NFRKB: variants seen among roughly 807,000 people sequenced by gnomAD.
The protein encoded by NFRKB is nuclear factor related to kappaB binding protein.
In NFRKB, 62 loss-of-function variants were observed where a neutral mutation model predicts 135.7. That is an observed-to-expected ratio of 0.46 (90% confidence interval 0.37 to 0.56). The LOEUF (loss-of-function observed/expected upper bound fraction) is 0.56. NFRKB is among the 20% of genes least tolerant of loss of function. The pLI, the probability that NFRKB is intolerant of heterozygous loss-of-function variation, is 0.00. For missense variants in NFRKB, 1,545 were observed against 1,662.0 expected (o/e 0.93, Z 1.22); for synonymous variants, 678 against 635.6 (o/e 1.07, Z -1.00).
rs1948659174 is a variant in NFRKB at position 129,874,254 on chromosome 11, G to A, written c.2138C>T (p.Ser713Phe). The A allele has an allele frequency of 1.3e-6, 2 of 1,517,852 alleles. No individual in the cohort carries two copies. Among genetic ancestry groups the A allele is most frequent in the African/African-American group, 2.8e-5 (2 of 71,620 alleles). 94.0% of individuals were successfully genotyped at this position (1,517,852 alleles called of 1,614,324 possible). Residue 713 changes from serine to phenylalanine, a missense_variant, in exon 21 of 27, where the codon TCC becomes TTC. By Grantham distance (155) the Ser-to-Phe change is radical (BLOSUM62 -2). Coordinates refer to ENST00000682444, the MANE Select transcript of NFRKB (RefSeq NM_001143835.2). The surrounding 1 kb of genome is among the most constrained non-coding windows in gnomAD (Gnocchi z 4.5). ...TGTGACTGGGGTGGGTGGCATACTG[G>A]AGTCACTGAGGCTCATCTGGCTCTG... ...SEQSQMSLSD[S>F]SMPPTPVTPV...
Position 129,892,778 on chromosome 11 carries a change from G to A in NFRKB, c.72C>T (p.Arg24=), listed in dbSNP as rs139240998. Reference sequence around the variant, plus strand: ...CTCCCAGGAGGCAATCCTCCATGATGCGCGTGCCATGGCCATCTCCACACG... The same window carrying A: ...CTCCCAGGAGGCAATCCTCCATGATACGCGTGCCATGGCCATCTCCACACG... ...LGPCGDGHGT[R]IMEDCLLGGT... is the part of the protein sequence containing the mutation. The change falls in exon 3 of 27, where the codon CGC becomes CGT. Residue 24 remains arginine (R), a synonymous_variant. Transcript: ENST00000682444. 1.2e-3 allele frequency: 2,010 copies of A among 1,614,168 alleles called. 3 individuals are homozygous for A. Among genetic ancestry groups the A allele is most frequent in the Non-Finnish European group, 1.6e-3 (1,841 of 1,180,014 alleles).
intron 15 of NFRKB, among the ~76,000 whole-genome samples, chr11:129,877,806 C>A (rs1380854034): frequency 6.6e-6 from 1 of 152,166 alleles, no homozygotes; most frequent in African/African-American, 2.4e-5. Flanking sequence ...AGCAAAAGTT[C>A]TGCCACACTT....
intron 9 of NFRKB, among the ~76,000 whole-genome samples, chr11:129,882,894 C>A (rs1310554297): frequency 6.6e-6 from 1 of 152,102 alleles, no homozygotes; most frequent in Non-Finnish European, 1.5e-5. Flanking sequence ...AGCGATTCTC[C>A]CACCTCAGCC....
Position 129,865,917 on chromosome 11 carries a change from C to G in NFRKB, c.3598G>C (p.Val1200Leu). 6.2e-7 allele frequency: 1 copy of G among 1,614,034 alleles called. No individual in the cohort carries two copies. Among genetic ancestry groups the G allele is most frequent in the Non-Finnish European group, 8.5e-7 (1 of 1,179,990 alleles). The change falls in exon 25 of 27, where the codon GTG becomes CTG. Residue 1200 changes from valine (V) to leucine (L), a missense_variant. This residue lies in a region of NFRKB where 753 missense variants were observed against 804.3 expected (regional missense o/e 0.94). Coordinates refer to ENST00000682444, the MANE Select transcript of NFRKB (RefSeq NM_001143835.2). ...VISQPMKGKSVVTAPIIKGNL... is the reference protein window; with the variant it reads ...VISQPMKGKSLVTAPIIKGNL... ...CCTTTGATGATGGGGGCTGTGACCA[C>G]GCTCTTGCCCTTCATTGGCTGGCTG...
chr11:129,887,021 T>C (rs1949311332), intron 4 of NFRKB, among the ~76,000 whole-genome samples: 1 of 152,224 alleles, frequency 6.6e-6, no homozygotes, highest in Non-Finnish European at 1.5e-5. Flanking sequence ...GTGAAAAGGC[T>C]ACTCTCTCTG....
At position 129,888,573 on chromosome 11, in the gene NFRKB, AAAG is replaced by A; in HGVS notation, c.337+18_337+20del. 6.2e-7 allele frequency: 1 copy of A among 1,613,274 alleles called. No homozygotes were observed. The highest frequency in any genetic ancestry group is 8.5e-7 in the Non-Finnish European group (1 of 1,179,194). ...TGCCCATCCACCACCCCCCTCAAAG[AAAG>A]AATACTGAGCTACAAACCTCGGAAA... On this transcript the variant is annotated intron_variant, in intron 4 of 26. Coordinates refer to ENST00000682444, the MANE Select transcript of NFRKB (RefSeq NM_001143835.2).
At chr11:129,869,145 C>G (rs1948365270) in intron 24 of NFRKB, among the ~76,000 whole-genome samples, 1 of 152,140 alleles carries the variant, frequency 6.6e-6, no homozygotes, top group South Asian at 2.1e-4. Flanking sequence ...TGCCGAACTA[C>G]CAACAGCAAT....
chr11:129,882,249 T>C (rs1949064002), intron 10 of NFRKB, 55 bp from the exon 11 acceptor site: 4 of 1,492,588 alleles, frequency 2.7e-6, no homozygotes, highest in African/African-American at 1.4e-5. Flanking sequence ...CATCCCTAGA[T>C]TGATTCAGGC....
rs560019299 is a variant in NFRKB, at chr11:129,892,112, T to C, written c.135+603A>G. On this transcript the variant is annotated intron_variant, in intron 3 of 26. Coordinates refer to ENST00000682444, the MANE Select transcript of NFRKB (RefSeq NM_001143835.2). ...AACAGGTGGTGTCTGGTTACATGGG[T>C]GAGTTCTTTAGTGGTTATTTCTGAG... Among the ~76,000 whole-genome samples the C allele has an allele frequency of 2.6e-5, 4 of 152,182 alleles. No homozygotes were observed. The South Asian group carries it at 8.3e-4, about 32-fold the overall frequency.
rs1206802228 is a variant in NFRKB at position 129,874,845 on chromosome 11, A to G, written c.1926T>C (p.Ile642=). The G allele has an allele frequency of 1.2e-6, 2 of 1,614,204 alleles. No homozygotes were observed. Among genetic ancestry groups the G allele is most frequent in the Non-Finnish European group, 1.7e-6 (2 of 1,180,030 alleles). The change falls in exon 19 of 27, where the codon ATT becomes ATC. Residue 642 remains isoleucine, a synonymous_variant. Transcript: ENST00000682444. This position sits in a 1 kb window ranked among gnomAD's most constrained non-coding sequence, Gnocchi z 4.5. ...GCAGGTAGATCCACAGCTTTCGTCCAATGTCGTATTTCACACAGGGATCTT... is the reference window on the plus strand; with the variant it reads ...GCAGGTAGATCCACAGCTTTCGTCCGATGTCGTATTTCACACAGGGATCTT... ...YEKDPCVKYD[I]GRKLWIYLHR... is the part of the protein sequence containing the mutation.
intron 7 of NFRKB, 30 bp from the exon 8 acceptor site, chr11:129,884,173 A>T (rs1162416768): frequency 1.3e-6 from 2 of 1,599,084 alleles, no homozygotes; most frequent in African/African-American, 2.7e-5. Context: ...CATATTCACT[A>T]TCATGATTCT....
At position 129,865,925 on chromosome 11, in the gene NFRKB, C is replaced by T; in HGVS notation, c.3590G>A (p.Gly1197Asp). The T allele has an allele frequency of 6.2e-7, 1 of 1,613,928 alleles. No individual in the cohort carries two copies. Among genetic ancestry groups the T allele is most frequent in the Non-Finnish European group, 8.5e-7 (1 of 1,179,956 alleles). ...GATGGGGGCTGTGACCACGCTCTTG[C>T]CCTTCATTGGCTGGCTGATCACAGA... ...PLSVISQPMK[G>D]KSVVTAPIIK... The change falls in exon 25 of 27, where the codon GGC (glycine) becomes GAC (aspartate). Residue 1197 changes from glycine (G) to aspartate (D), a missense_variant. By Grantham distance (94) the Gly-to-Asp change is moderately conservative. Coordinates refer to ENST00000682444, the MANE Select transcript of NFRKB (RefSeq NM_001143835.2).
intron 25 of NFRKB, 55 bp downstream of exon 25, chr11:129,865,822 C>T (rs1948162032): frequency 6.5e-7 from 1 of 1,538,724 alleles, no homozygotes; most frequent in African/African-American, 1.4e-5. Flanking sequence ...ACTGGTAAGC[C>T]CTGCCTGCCA....
In NFRKB at chr11:129,864,807, G is replaced by A; in HGVS notation, c.3818C>T (p.Thr1273Ile). 4 of 1,614,208 alleles carry A rather than the reference G, an allele frequency of 2.5e-6. No homozygotes were observed. The highest frequency in any genetic ancestry group is 1.7e-4 in the Middle Eastern group (1 of 6,060). ...TVPASHLQQG[T>I]ASGSSKAVST... The stretch of plus-strand genomic sequence containing the variant: ...GACTGCTTTGGAGGAGCCAGAAGCT[G>A]TTCCCTGTTGGAGATGGGATGCAGG... The change falls in exon 27 of 27, where the codon ACA becomes ATA. Residue 1273 changes from threonine (T) to isoleucine (I), a missense_variant. Thr to Ile is a moderately conservative substitution (Grantham distance 89). Transcript: ENST00000682444.
intron 17 of NFRKB, 114 bp from the exon 18 acceptor site, chr11:129,875,577 T>C (rs1285780411): frequency 3.2e-5 from 22 of 696,820 alleles, no homozygotes; most frequent in Non-Finnish European, 5.2e-5. Context: ...CTCCTCTACC[T>C]TCCCTGATGC....
At position 129,878,286 on chromosome 11, in the gene NFRKB, C is replaced by G. The variant is rs776626878; in HGVS notation, c.1511+23G>C. On this transcript the variant is annotated intron_variant, in intron 15 of 26. Transcript: ENST00000682444. ...AACTACAGTTTCCCAGGACACCACC[C>G]ACCACTACAGTATTGTACTCACACC... 1.9e-6 allele frequency: 3 copies of G among 1,612,014 alleles called. No homozygotes were observed. In the South Asian group the frequency reaches 3.3e-5, roughly 18 times the overall value.
chr11:129,873,127 T>C (rs1343154158), intron 22 of NFRKB, 31 bp from the exon 23 acceptor site: 18 of 1,529,124 alleles, frequency 1.2e-5, no homozygotes, highest in Non-Finnish European at 1.5e-5. Context: ...AAGAGCTTAA[T>C]TAGACTCTAA....
In NFRKB at chr11:129,878,689, AGCTG is replaced by A. The variant is rs1404044801; in HGVS notation, c.1385-150_1385-147del. ...ATCCTTCACACATCCACTGCCTTCC[AGCTG>A]GCGGAAGTCAGCCTGGACCACCACT... On this transcript the variant is annotated intron_variant, in intron 13 of 26. Transcript: ENST00000682444. 4.3e-6 allele frequency: 3 copies of A among 703,230 alleles called. No individual in the cohort carries two copies. In the African/African-American group the frequency reaches 5.4e-5, roughly 13 times the overall value. The allele number at this position is 703,230 out of a possible 1,614,324, so 43.6% of individuals were successfully genotyped here.
Position 129,874,503 on chromosome 11 carries a change from C to T in NFRKB, c.2056G>A (p.Val686Met). ...LQQKPKPPSK[V>M]KSSSKESSIK... ...GACACTCTCCTGAAGTCACTTACCA[C>T]CTTGGATGGGGGCTTGGGTTTTTGC... Residue 686 changes from valine to methionine, a missense_variant and splice_region_variant, in exon 20 of 27, where the codon GTG becomes ATG. Transcript: ENST00000682444. The surrounding 1 kb of genome is among the most constrained non-coding windows in gnomAD (Gnocchi z 4.5). The T allele has an allele frequency of 1.9e-6, 3 of 1,613,712 alleles. No individual in the cohort carries two copies. The highest frequency in any genetic ancestry group is 2.5e-6 in the Non-Finnish European group (3 of 1,179,858).
Sources: gnomAD v4.1 joint callset for allele counts (sites outside exome capture counted in the v4.1 genomes callset) on GRCh38, gnomAD v4.1.1 for gene constraint, gnomAD v4.1.1 regional missense constraint, Gnocchi (gnomAD v3.1) non-coding constraint, MANE v1.5 for transcripts, NCBI Gene and HGNC (gene_info 2026-07-23, HGNC 2026-07-21) for gene names.